PCDHGA6: variants seen among roughly 807,000 people sequenced by gnomAD.
PCDHGA6 encodes protocadherin gamma subfamily A, 6.
A neutral mutation model predicts 60.6 loss-of-function variants in PCDHGA6; 41 were observed. The ratio of observed to expected loss-of-function variants is 0.68; its 90% CI spans 0.53 to 0.88. The LOEUF is 0.88. PCDHGA6 is among the 40% of genes least tolerant of loss of function. The probability of loss-of-function intolerance (pLI) is 0.00; values close to 1 mark genes in which losing one functional copy is unlikely to be tolerated. For missense variants in PCDHGA6, 1,312 were observed against 1,203.0 expected (o/e 1.09, Z -1.34); for synonymous variants, 594 against 524.4 (o/e 1.13, Z -1.81).
intron 1 of PCDHGA6, among the ~76,000 whole-genome samples, chr5:141,435,561 T>A (rs2154556722): frequency 6.6e-6 from 1 of 152,294 alleles, no homozygotes; most frequent in South Asian, 2.1e-4. Flanking sequence ...TGAGTGCTTT[T>A]TTTAGTACTG....
At chr5:141,462,984 T>G (rs1349170605) in intron 1 of PCDHGA6, among the ~76,000 whole-genome samples, 1 of 152,156 alleles carries the variant, frequency 6.6e-6, no homozygotes, top group African/African-American at 2.4e-5. Context: ...ACTTTTGCCT[T>G]GGGCTAATTT....
intron 1 of PCDHGA6, chr5:141,478,935 A>G: frequency 1.6e-6 from 1 of 638,574 alleles, no homozygotes. Flanking sequence ...GGCAGCTTCT[A>G]GGAATACAAA....
intron 2 of PCDHGA6, among the ~76,000 whole-genome samples, chr5:141,504,786 C>A (rs568185327): frequency 6.6e-6 from 1 of 152,014 alleles, no homozygotes; most frequent in South Asian, 2.1e-4. Context: ...TCTCTTGGGG[C>A]CTCCTACATC....
intron 1 of PCDHGA6, chr5:141,391,507 T>C (rs2092381186): frequency 6.6e-6 from 1 of 152,172 alleles, no homozygotes; most frequent in Non-Finnish European, 1.5e-5. Context: ...AGAAAATATT[T>C]TCTTTCACTA....
rs1375469711 is a variant in PCDHGA6 at position 141,512,102 on chromosome 5, C to G, written c.*929C>G. On this transcript the variant is annotated 3_prime_UTR_variant, in exon 4 of 4. Coordinates refer to ENST00000517434, the MANE Select transcript of PCDHGA6 (RefSeq NM_018919.3). Reference sequence around the variant, plus strand: ...GCCATAAACCAATAACTAGGCTGGACCCTTCCCACTACATAATAGGGCTCA... The same window carrying G: ...GCCATAAACCAATAACTAGGCTGGAGCCTTCCCACTACATAATAGGGCTCA... The G allele has an allele frequency of 6.5e-6, 1 of 152,806 alleles. No individual in the cohort carries two copies. The highest frequency in any genetic ancestry group is 1.9e-4 in the East Asian group (1 of 5,182). The allele number at this position is 152,806 out of a possible 1,614,324, so 9.5% of individuals were successfully genotyped here. A position where few individuals can be genotyped will look rare whatever the true frequency, so the allele number is the denominator to read the frequency against.
chr5:141,384,649 C>T lies in PCDHGA6; in HGVS notation c.2424+8142C>T, dbSNP rs778822731. ...GGAGCTGGCACCCCGCTCCGCAGAGCCCGGCTACCTGGTGACCAAGGTGGT... is the reference window on the plus strand; with the variant it reads ...GGAGCTGGCACCCCGCTCCGCAGAGTCCGGCTACCTGGTGACCAAGGTGGT... On this transcript the variant is annotated intron_variant, in intron 1 of 3. Transcript: ENST00000517434. The T allele has an allele frequency of 3.7e-5, 60 of 1,614,114 alleles. No homozygotes were observed. The Middle Eastern group carries it at 4.9e-4, about 13-fold the overall frequency.
chr5:141,389,320 TG>T (rs764190187), intron 1 of PCDHGA6: 2 of 1,613,848 alleles, frequency 1.2e-6, no homozygotes, highest in Non-Finnish European at 1.7e-6. Flanking sequence ...GATCCGGACT[TG>T]GGGCCCAACG....
Position 141,400,031 on chromosome 5 carries a change from G to A in PCDHGA6, c.2424+23524G>A, listed in dbSNP as rs373709904. The A allele has an allele frequency of 2.2e-5, 36 of 1,612,964 alleles. No individual in the cohort carries two copies. In the African/African-American group the frequency reaches 4.5e-4, roughly 20 times the overall value. The stretch of plus-strand genomic sequence containing the variant: ...GCCTTGGGCGACAGGGACGCGGCCC[G>A]CCAGCGCCTGCTGGTTGCTGTGCGT... On this transcript the variant is annotated intron_variant, in intron 1 of 3. Coordinates refer to ENST00000517434, the MANE Select transcript of PCDHGA6 (RefSeq NM_018919.3).
Position 141,489,417 on chromosome 5 carries a change from G to A in PCDHGA6, c.2425-5390G>A, listed in dbSNP as rs1020232739. On this transcript the variant is annotated intron_variant, in intron 1 of 3. Coordinates refer to ENST00000517434, the MANE Select transcript of PCDHGA6 (RefSeq NM_018919.3). This position sits in a 1 kb window ranked among gnomAD's most constrained non-coding sequence, Gnocchi z 4.5. ...ATCTGGGCTTAAAGATGACAGATCT[G>A]TTGAGCCGGCGGCTGCAATTGGGCT... The A allele has an allele frequency of 1.2e-6, 2 of 1,614,172 alleles. No individual in the cohort carries two copies. The highest frequency in any genetic ancestry group is 3.3e-5 in the Admixed American group (2 of 60,030).
At position 141,490,807 on chromosome 5, in the gene PCDHGA6, G is replaced by T. The variant is rs1315856354; in HGVS notation, c.2425-4000G>T. Reference sequence around the variant, plus strand: ...ACGGATCTTTGCCCAGCGTACCTTTGACTATGAATTGCTGCAGATGCTGCA... The same window carrying T: ...ACGGATCTTTGCCCAGCGTACCTTTTACTATGAATTGCTGCAGATGCTGCA... On this transcript the variant is annotated intron_variant, in intron 1 of 3. Transcript: ENST00000517434. This position sits in a 1 kb window ranked among gnomAD's most constrained non-coding sequence, Gnocchi z 5.4. 6.2e-7 allele frequency: 1 copy of T among 1,613,924 alleles called. No individual in the cohort carries two copies. The highest frequency in any genetic ancestry group is 8.5e-7 in the Non-Finnish European group (1 of 1,179,870).
At chr5:141,461,394 G>A (rs2099014614) in intron 1 of PCDHGA6, among the ~76,000 whole-genome samples, 1 of 152,098 alleles carries the variant, frequency 6.6e-6, no homozygotes. Flanking sequence ...GATTAGCGAT[G>A]TTGAGCATTT....
intron 1 of PCDHGA6, chr5:141,393,329 C>T: frequency 6.2e-7 from 1 of 1,611,240 alleles, no homozygotes; most frequent in South Asian, 1.1e-5. Flanking sequence ...GCTACCAGCT[C>T]AGCCCCAATC....
At chr5:141,416,093 C>T (rs1241017265) in intron 1 of PCDHGA6, 1 of 162,720 alleles carries the variant, frequency 6.1e-6, no homozygotes, top group Admixed American at 6.4e-5. Flanking sequence ...AGGAGAAGGG[C>T]AATAGGCCTT....
chr5:141,383,424 T>A, intron 1 of PCDHGA6: 1 of 1,613,978 alleles, frequency 6.2e-7, no homozygotes, highest in Non-Finnish European at 8.5e-7. Context: ...TCAGCCCCAA[T>A]CGCCACTTCT....
chr5:141,427,138 A>G (rs1397576025), intron 1 of PCDHGA6: 1 of 456,954 alleles, frequency 2.2e-6, no homozygotes, highest in Non-Finnish European at 4.4e-6. Context: ...CTACGAGATG[A>G]TATTGGAAAT....
chr5:141,413,077 G>A (rs2095603422), intron 1 of PCDHGA6: 1 of 1,287,542 alleles, frequency 7.8e-7, no homozygotes, highest in African/African-American at 1.5e-5. Context: ...AAGTGCCCAG[G>A]CTACAGAGAC....
rs531352412 is a variant in PCDHGA6, at chr5:141,382,380, A to G, written c.2424+5873A>G. ...AATAAAATTTACCTTTTTGCCTTCAATAACTGATTTTCCCATGTGCAATAA... is the reference window on the plus strand; with the variant it reads ...AATAAAATTTACCTTTTTGCCTTCAGTAACTGATTTTCCCATGTGCAATAA... On this transcript the variant is annotated intron_variant, in intron 1 of 3. Coordinates refer to ENST00000517434, the MANE Select transcript of PCDHGA6 (RefSeq NM_018919.3). 3.3e-5 allele frequency among the ~76,000 whole-genome samples: 5 copies of G among 152,324 alleles called. No individual in the cohort carries two copies. The South Asian group carries it at 8.3e-4, about 25-fold the overall frequency.
intron 1 of PCDHGA6, chr5:141,405,052 C>A (rs182635391): frequency 2.0e-4 from 329 of 1,613,956 alleles, no homozygotes; most frequent in Non-Finnish European, 2.5e-4. Flanking sequence ...TGGCAGTCGT[C>A]TCCTGTGTCT....
chr5:141,469,284 A>G lies in PCDHGA6; in HGVS notation c.2425-25523A>G, dbSNP rs192391622. On this transcript the variant is annotated intron_variant, in intron 1 of 3. Transcript: ENST00000517434. ...AGAGCAAGACCCCATCTCAAAAAAT[A>G]AAACAAAATAGACTGGGCACGATGG... Among the ~76,000 whole-genome samples, 595 of 152,012 alleles carry G rather than the reference A, an allele frequency of 3.9e-3. 6 individuals are homozygous for G. The highest frequency in any genetic ancestry group is 0.011 in the Admixed American group (171 of 15,260).
Sources: allele counts gnomAD v4.1 joint callset (sites outside exome capture counted in the v4.1 genomes callset), GRCh38; gene constraint gnomAD v4.1.1; non-coding constraint Gnocchi (gnomAD v3.1); transcripts MANE v1.5; gene names NCBI Gene and HGNC (gene_info 2026-07-23, HGNC 2026-07-21).